Variants in MPZL3 observed in about 807,000 individuals in gnomAD.
MPZL3 encodes myelin protein zero like 3.
MPZL3 carries 23 observed loss-of-function variants against 24.8 expected under a neutral mutation model. That is an observed-to-expected ratio of 0.93 (90% CI 0.67 to 1.31). The LOEUF is 1.31. Among genes scored for constraint, MPZL3 ranks in the 40% most tolerant of loss-of-function variants. The pLI, the probability that MPZL3 is intolerant of heterozygous loss-of-function variation, is 0.00. For synonymous variants in MPZL3, 99 were observed against 106.5 expected, an observed-to-expected ratio of 0.93 and a Z score of 0.44; for missense variants, 277 against 294.9, an observed-to-expected ratio of 0.94 and a Z score of 0.44.
chr11:118,230,948 C>A (rs1001439144), intron 5 of MPZL3, among the ~76,000 whole-genome samples: 4 of 152,220 alleles, frequency 2.6e-5, no homozygotes, highest in Admixed American at 6.5e-5. Flanking sequence ...TAATTCCCAT[C>A]TGCATACAAA....
intron 1 of MPZL3, among the ~76,000 whole-genome samples, chr11:118,244,343 T>C (rs1047584488): frequency 3.3e-5 from 5 of 152,104 alleles, no homozygotes; most frequent in Admixed American, 3.3e-4. Flanking sequence ...TAAAGACAAA[T>C]GCATAATTAA....
chr11:118,231,812 C>T (rs573573588), intron 5 of MPZL3, among the ~76,000 whole-genome samples: 50 of 152,280 alleles, frequency 3.3e-4, no homozygotes, highest in Admixed American at 5.9e-4. Context: ...CCACTCCTCA[C>T]CACCTCCACC....
intron 1 of MPZL3, among the ~76,000 whole-genome samples, chr11:118,251,078 C>CGTGTGT (rs3221165): frequency 4.7e-3 from 674 of 144,360 alleles, no homozygotes; most frequent in Admixed American, 0.01. Flanking sequence ...GAATATTTCT[C>CGTGTGT]GTGTGTGTGT....
intron 1 of MPZL3, among the ~76,000 whole-genome samples, chr11:118,245,272 G>A (rs1442769950): frequency 6.6e-6 from 1 of 152,102 alleles, no homozygotes; most frequent in South Asian, 2.1e-4. Context: ...GTGGTGGGAG[G>A]CAGAGGTTGC....
intron 1 of MPZL3, among the ~76,000 whole-genome samples, chr11:118,250,168 A>ATTTTTTTTTTTTTTTT (rs71041823): frequency 9.6e-6 from 1 of 104,260 alleles, no homozygotes; most frequent in Non-Finnish European, 1.8e-5. Context: ...CACCTGGCTA[A>ATTTTTTTTTTTTTTTT]TTTTTTTTTT....
chr11:118,248,884 T>G (rs1231022218), intron 1 of MPZL3, among the ~76,000 whole-genome samples: 1 of 152,226 alleles, frequency 6.6e-6, no homozygotes, highest in Non-Finnish European at 1.5e-5. Context: ...AAGCAAACTT[T>G]ATAAGTGGGC....
chr11:118,239,629 AT>A (rs1278353374), intron 2 of MPZL3, among the ~76,000 whole-genome samples: 4 of 152,218 alleles, frequency 2.6e-5, no homozygotes, highest in Non-Finnish European at 4.4e-5. Flanking sequence ...TCAATAAGGT[AT>A]ATTGCTTCCA....
chr11:118,244,362 G>T (rs1277357767), intron 1 of MPZL3, among the ~76,000 whole-genome samples: 1 of 152,180 alleles, frequency 6.6e-6, no homozygotes, highest in East Asian at 1.9e-4. Flanking sequence ...AACAAACTTG[G>T]ATAACTACTA....
At position 118,229,917 on chromosome 11, in the gene MPZL3, A is replaced by C. The variant is rs1398578732; in HGVS notation, c.685T>G (p.Ser229Ala). 6.2e-7 allele frequency: 1 copy of C among 1,613,242 alleles called. No individual in the cohort carries two copies. The highest frequency in any genetic ancestry group is 8.5e-7 in the Non-Finnish European group (1 of 1,179,620). ...LCVRCAECLD[S>A]DYEETY ...CATCAATATGTCTCTTCATAGTCTG[A>C]ATCCTGGAGGGAGCAAAACAGCAGG... The change falls in exon 6 of 6, where the codon TCA (serine) becomes GCA (alanine). Residue 229 changes from serine (S) to alanine (A), a missense_variant. Coordinates refer to ENST00000278949, the MANE Select transcript of MPZL3 (RefSeq NM_198275.3).
rs560669818 is a variant in MPZL3, at chr11:118,238,703, G to A, written c.241-1443C>T. On this transcript the variant is annotated intron_variant, in intron 2 of 5. Coordinates refer to ENST00000278949, the MANE Select transcript of MPZL3 (RefSeq NM_198275.3). ...ATTTATTCAACAAATATTTGGTGCA[G>A]ATCTCTAATGTGCTAGGCATTGTTA... 3.9e-5 allele frequency among the ~76,000 whole-genome samples: 6 copies of A among 152,316 alleles called. No homozygotes were observed. In the South Asian group the frequency reaches 1.2e-3, roughly 32 times the overall value.
intron 5 of MPZL3, among the ~76,000 whole-genome samples, chr11:118,230,469 C>T (rs971300596): frequency 1.3e-5 from 2 of 152,200 alleles, no homozygotes; most frequent in African/African-American, 4.8e-5. Context: ...TTACTTAGCA[C>T]TGCCTGGCAC....
intron 5 of MPZL3, among the ~76,000 whole-genome samples, 192 bp downstream of exon 5, chr11:118,233,268 G>A (rs894681397): frequency 7.9e-5 from 12 of 152,132 alleles, no homozygotes; most frequent in Non-Finnish European, 5.9e-5. Flanking sequence ...CCACGAGACA[G>A]GAAACAAAAT....
Position 118,237,258 on chromosome 11 carries a change from T to C in MPZL3, c.243A>G (p.Ile81Met). The change falls in exon 3 of 6, where the codon ATA (isoleucine) becomes ATG (methionine). Residue 81 changes from isoleucine (I) to methionine (M), a missense_variant and splice_region_variant. Coordinates refer to ENST00000278949, the MANE Select transcript of MPZL3 (RefSeq NM_198275.3). The stretch of plus-strand genomic sequence containing the variant: ...GGTACTGGAAAGACTGATAATGAAA[T>C]ATCTAAGAAAGCAACACCATGAGAG... ...RPPSSSHTVS[I>M]FHYQSFQYPT... is the part of the protein sequence containing the mutation. The C allele has an allele frequency of 6.2e-7, 1 of 1,613,584 alleles. No individual in the cohort carries two copies. The highest frequency in any genetic ancestry group is 8.5e-7 in the Non-Finnish European group (1 of 1,179,578).
intron 1 of MPZL3, 107 bp downstream of exon 1, chr11:118,252,115 G>A (rs1483324686): frequency 1.1e-5 from 12 of 1,094,658 alleles, no homozygotes; most frequent in Non-Finnish European, 1.7e-5. Flanking sequence ...TTCCTTCCCA[G>A]AGCTATGCGG....
intron 5 of MPZL3, among the ~76,000 whole-genome samples, chr11:118,232,333 C>T (rs1445246549): frequency 1.3e-5 from 2 of 152,096 alleles, no homozygotes; most frequent in Non-Finnish European, 2.9e-5. Context: ...TCCCATCCCC[C>T]TTTTCTGCTT....
chr11:118,233,377 C>T, intron 5 of MPZL3, 83 bp downstream of exon 5: 3 of 1,482,648 alleles, frequency 2.0e-6, no homozygotes, highest in Non-Finnish European at 2.8e-6. Flanking sequence ...CCTCTGCTGC[C>T]TCTGAGGGCA....
chr11:118,251,765 C>T (rs1366844299), intron 1 of MPZL3, among the ~76,000 whole-genome samples: 1 of 152,178 alleles, frequency 6.6e-6, no homozygotes, highest in Non-Finnish European at 1.5e-5. Flanking sequence ...TTATAGACTA[C>T]AATAATCACC....
rs1949312381 is a variant in MPZL3 at position 118,229,070 on chromosome 11, T to A, written c.*824A>T. On this transcript the variant is annotated 3_prime_UTR_variant, in exon 6 of 6. Transcript: ENST00000278949. ...TGAACCCAGGAGGCAGAGGTTGCAG[T>A]GAGCCAAGATCACACCACTGCACTC... is the stretch of plus-strand genomic sequence containing the variant. The A allele has an allele frequency of 1.5e-5, 2 of 137,698 alleles. No homozygotes were observed. The highest frequency in any genetic ancestry group is 3.0e-5 in the Non-Finnish European group (2 of 67,018). The allele number at this position is 137,698 out of a possible 1,614,324, so 8.5% of individuals were successfully genotyped here.
intron 1 of MPZL3, among the ~76,000 whole-genome samples, chr11:118,241,841 C>T (rs150482579): frequency 6.6e-6 from 1 of 152,224 alleles, no homozygotes; most frequent in East Asian, 1.9e-4. Context: ...AGAATCTGAC[C>T]CTCCCAAAGA....
Sources: allele counts gnomAD v4.1 joint callset (sites outside exome capture counted in the v4.1 genomes callset), GRCh38; gene constraint gnomAD v4.1.1; transcripts MANE v1.5; gene names NCBI Gene and HGNC (gene_info 2026-07-23, HGNC 2026-07-21).